The following TRMT9B variants were observed in gnomAD, a reference collection of about 807,000 sequenced individuals.
TRMT9B encodes the protein probable tRNA methyltransferase 9B.
TRMT9B carries 16 observed loss-of-function variants against 11.5 expected under a neutral mutation model. The observed-to-expected ratio is 1.39, with a 90% CI of 0.94 to 2.11. TRMT9B has a LOEUF of 2.11. Ranked by LOEUF, TRMT9B falls within the 30% of genes most tolerant of loss-of-function variation. The pLI is 0.00. For missense variants in TRMT9B, 941 were observed against 553.8 expected (o/e 1.70, Z -7.02); for synonymous variants, 274 against 192.4 (o/e 1.42, Z -3.51).
intron 2 of TRMT9B, among the ~76,000 whole-genome samples, chr8:13,004,660 G>A (rs536856954): frequency 6.6e-6 from 1 of 152,018 alleles, no homozygotes; most frequent in African/African-American, 2.4e-5. Context: ...AATAACCAGC[G>A]GTGATACCCA....
Position 12,988,429 on chromosome 8 carries a change from C to T in TRMT9B, c.-199-2405C>T, listed in dbSNP as rs190529474. Among the ~76,000 whole-genome samples, 271 of 152,274 alleles carry T rather than the reference C, an allele frequency of 1.8e-3. 4 individuals are homozygous for T. The highest frequency in any genetic ancestry group is 0.014 in the Admixed American group (213 of 15,298). On this transcript the variant is annotated intron_variant, in intron 1 of 4. Coordinates refer to ENST00000524591, the MANE Select transcript of TRMT9B (RefSeq NM_020844.3). Reference sequence around the variant, plus strand: ...TATATGATTACAGTATTAGTCCATTCTCAGGCTACTAATAAAGACATACCC... The same window carrying T: ...TATATGATTACAGTATTAGTCCATTTTCAGGCTACTAATAAAGACATACCC...
intron 2 of TRMT9B, among the ~76,000 whole-genome samples, chr8:13,005,966 C>G (rs1810378879): frequency 6.6e-6 from 1 of 152,200 alleles, no homozygotes; most frequent in Non-Finnish European, 1.5e-5. Flanking sequence ...ATAATTAGCT[C>G]TTTCTCAAAA....
intron 4 of TRMT9B, among the ~76,000 whole-genome samples, chr8:13,015,592 A>C (rs1024187274): frequency 2.6e-5 from 4 of 152,102 alleles, no homozygotes; most frequent in Non-Finnish European, 5.9e-5. Context: ...GGGCTCAACC[A>C]GTCCACCTGC....
chr8:12,952,703 A>G, intron 1 of TRMT9B: 1 of 983,856 alleles, frequency 1.0e-6, no homozygotes, highest in Non-Finnish European at 1.2e-6. Flanking sequence ...CAAAATAGGA[A>G]GGTAAGGATT....
intron 1 of TRMT9B, among the ~76,000 whole-genome samples, chr8:12,967,106 T>C (rs1487615084): frequency 6.6e-6 from 1 of 152,166 alleles, no homozygotes; most frequent in Non-Finnish European, 1.5e-5. Flanking sequence ...AGCAGAAATG[T>C]TTTACAAGTT....
chr8:12,956,756 A>C (rs1801370016), intron 1 of TRMT9B, among the ~76,000 whole-genome samples: 1 of 152,234 alleles, frequency 6.6e-6, no homozygotes, highest in African/African-American at 2.4e-5. Context: ...ACAGAAATAG[A>C]CATGACTTGT....
intron 1 of TRMT9B, among the ~76,000 whole-genome samples, chr8:12,956,425 G>C (rs970249674): frequency 1.3e-5 from 2 of 152,168 alleles, no homozygotes; most frequent in Non-Finnish European, 2.9e-5. Flanking sequence ...GCTGGAAAAA[G>C]CATCAAGCAA....
chr8:13,021,237 A>C lies in TRMT9B; in HGVS notation c.558A>C (p.Arg186Ser), dbSNP rs1175114261. 3.1e-6 allele frequency: 5 copies of C among 1,613,928 alleles called. No individual in the cohort carries two copies. Among genetic ancestry groups the C allele is most frequent in the East Asian group, 4.5e-5 (2 of 44,880 alleles). The change falls in exon 5 of 5, where the codon AGA becomes AGC. Residue 186 changes from arginine to serine, a missense_variant. Transcript: ENST00000524591. Reference protein sequence around the residue: ...GRKRQCGYPERGHPYHPPCSE... With the variant: ...GRKRQCGYPESGHPYHPPCSE... ...AGAGGCAGTGTGGATACCCAGAAAG[A>C]GGCCATCCCTACCATCCTCCTTGCT...
intron 1 of TRMT9B, among the ~76,000 whole-genome samples, chr8:12,976,101 G>T (rs1269824114): frequency 6.6e-6 from 1 of 152,216 alleles, no homozygotes; most frequent in African/African-American, 2.4e-5. Flanking sequence ...CCCCAGGGAA[G>T]CTCCACCATG....
intron 1 of TRMT9B, among the ~76,000 whole-genome samples, chr8:12,970,935 G>A (rs1046630854): frequency 1.3e-5 from 2 of 152,192 alleles, no homozygotes; most frequent in Non-Finnish European, 2.9e-5. Flanking sequence ...TGAAGGCTCA[G>A]TCTTAAAAGA....
chr8:12,950,243 A>T (rs753325358), intron 1 of TRMT9B, among the ~76,000 whole-genome samples: 11 of 152,116 alleles, frequency 7.2e-5, no homozygotes, highest in African/African-American at 2.7e-4. Context: ...GATTTCCCTT[A>T]TGTTTTCCTA....
At chr8:13,003,555 C>T (rs1325416768) in intron 2 of TRMT9B, among the ~76,000 whole-genome samples, 1 of 151,992 alleles carries the variant, frequency 6.6e-6, no homozygotes, top group South Asian at 2.1e-4. Flanking sequence ...AACAGTGGGT[C>T]ATTGGGTATT....
intron 3 of TRMT9B, among the ~76,000 whole-genome samples, chr8:13,009,396 A>G (rs977801550): frequency 6.6e-6 from 1 of 152,206 alleles, no homozygotes; most frequent in Non-Finnish European, 1.5e-5. Flanking sequence ...GATGTGAACA[A>G]ATGGTTCAAA....
intron 1 of TRMT9B, among the ~76,000 whole-genome samples, chr8:12,986,063 T>C (rs1806250578): frequency 1.3e-5 from 2 of 152,128 alleles, no homozygotes; most frequent in African/African-American, 2.4e-5. Context: ...GGTTTCACCA[T>C]GCTGGACAAG....
In TRMT9B at chr8:12,990,952, A is replaced by C; in HGVS notation, c.-81A>C. 7.8e-7 allele frequency: 1 copy of C among 1,289,090 alleles called. No homozygotes were observed. The highest frequency in any genetic ancestry group is 1.0e-6 in the Non-Finnish European group (1 of 988,428). 79.9% of individuals were successfully genotyped at this position (1,289,090 alleles called of 1,614,324 possible). ...CACATTGAGAAAGTTATGAGAAGCA[A>C]CTGTCACTCTCTGGAGGTGGAGACT... On this transcript the variant is annotated 5_prime_UTR_variant, in exon 2 of 5. Coordinates refer to ENST00000524591, the MANE Select transcript of TRMT9B (RefSeq NM_020844.3).
At chr8:12,969,172 A>T (rs190837747) in intron 1 of TRMT9B, among the ~76,000 whole-genome samples, 2 of 152,126 alleles carry the variant, frequency 1.3e-5, no homozygotes, top group Admixed American at 1.3e-4. Flanking sequence ...GCGCCACTGC[A>T]CTCCAGCCTA....
intron 1 of TRMT9B, among the ~76,000 whole-genome samples, chr8:12,953,490 C>T (rs1585057322): frequency 6.6e-6 from 1 of 152,176 alleles, no homozygotes; most frequent in Admixed American, 6.5e-5. Flanking sequence ...GCTGGGATTA[C>T]AGGTGCAAAC....
chr8:12,982,523 G>A (rs1805577384), intron 1 of TRMT9B, among the ~76,000 whole-genome samples: 1 of 152,108 alleles, frequency 6.6e-6, no homozygotes, highest in African/African-American at 2.4e-5. Context: ...TTAGCTGGGT[G>A]CAGTGGCACA....
intron 3 of TRMT9B, among the ~76,000 whole-genome samples, chr8:13,008,065 G>C (rs1328010112): frequency 6.6e-6 from 1 of 152,158 alleles, no homozygotes; most frequent in Non-Finnish European, 1.5e-5. Context: ...TGTTGGATTA[G>C]GCTCCTGTAA....
Sources: gnomAD v4.1 joint callset for allele counts (sites outside exome capture counted in the v4.1 genomes callset) on GRCh38, gnomAD v4.1.1 for gene constraint, MANE v1.5 for transcripts, NCBI Gene and HGNC (gene_info 2026-07-23, HGNC 2026-07-21) for gene names.